Variants in RBFOX1 observed in about 807,000 individuals in gnomAD.
The protein encoded by RBFOX1 is RNA binding protein fox-1 homolog 1.
Under a neutral mutation model 57.7 loss-of-function variants are expected in RBFOX1, and 8 were observed. The ratio of observed to expected loss-of-function variants is 0.14; its 90% CI spans 0.08 to 0.25. The LOEUF (loss-of-function observed/expected upper bound fraction) is 0.25, where lower values mean the gene tolerates loss of function less well. RBFOX1 is among the 10% of genes least tolerant of loss of function. The pLI is 1.00. For missense variants in RBFOX1, 611 were observed against 548.5 expected (o/e 1.11, Z -1.14); for synonymous variants, 326 against 222.4 (o/e 1.47, Z -4.15).
At position 7,089,407 on chromosome 16, in the gene RBFOX1, T is replaced by TA. The variant is rs56754682; in HGVS notation, c.27+37317dup. On this transcript the variant is annotated intron_variant, in intron 4 of 15. Transcript: ENST00000550418. ...TTTACAAATGCTGATTTTTAAGCAT[T>TA]AAAAAAAAGTAGTCACGTGGGATTG... 5.3e-5 allele frequency among the ~76,000 whole-genome samples: 8 copies of TA among 151,760 alleles called. 1 individual carries two copies. Among genetic ancestry groups the TA allele is most frequent in the South Asian group, 2.1e-4 (1 of 4,814 alleles).
intron 1 of RBFOX1, among the ~76,000 whole-genome samples, chr16:5,442,717 G>C (rs1433431244): frequency 1.3e-5 from 2 of 152,124 alleles, no homozygotes; most frequent in Non-Finnish European, 2.9e-5. Flanking sequence ...CACACACCTA[G>C]CATTATGTTT....
chr16:7,234,286 T>G (rs1490215392), intron 4 of RBFOX1, among the ~76,000 whole-genome samples: 2 of 152,054 alleles, frequency 1.3e-5, no homozygotes, highest in Admixed American at 6.6e-5. Context: ...AAGAGCTCAT[T>G]TCTCAGTGGT....
chr16:5,258,467 T>G (rs2062645769), intron 1 of RBFOX1, among the ~76,000 whole-genome samples: 1 of 152,216 alleles, frequency 6.6e-6, no homozygotes, highest in Non-Finnish European at 1.5e-5. Context: ...TTCCTTAATA[T>G]CCTCTAAGAT....
intron 3 of RBFOX1, among the ~76,000 whole-genome samples, chr16:6,929,384 C>G (rs9635543): frequency 0.16 from 24,238 of 152,108 alleles, 2,011 homozygotes; most frequent in Non-Finnish European, 0.2. Context: ...TCACCATTGT[C>G]AAAATGACAT....
chr16:5,985,162 A>T (rs1004817472), intron 4 of RBFOX1, among the ~76,000 whole-genome samples: 4 of 150,426 alleles, frequency 2.7e-5, no homozygotes, highest in Non-Finnish European at 3.0e-5. Flanking sequence ...ATATATATAT[A>T]TTTTTATTTT....
chr16:7,452,389 T>TC (rs2057529249), intron 4 of RBFOX1, among the ~76,000 whole-genome samples: 1 of 152,168 alleles, frequency 6.6e-6, no homozygotes, highest in African/African-American at 2.4e-5. Context: ...GCCTGGTGCA[T>TC]CCCCCACCTG....
intron 3 of RBFOX1, among the ~76,000 whole-genome samples, chr16:5,685,967 C>G (rs2050492283): frequency 6.6e-6 from 1 of 152,102 alleles, no homozygotes; most frequent in Non-Finnish European, 1.5e-5. Flanking sequence ...ATGAATGAAG[C>G]AAAGGTGGTG....
intron 1 of RBFOX1, among the ~76,000 whole-genome samples, chr16:6,106,240 C>G (rs369246967): frequency 6.6e-6 from 1 of 151,964 alleles, no homozygotes; most frequent in African/African-American, 2.4e-5. Context: ...GCTGAATCAC[C>G]TGAGGTCAGG....
chr16:5,384,298 A>G (rs1404761188), intron 1 of RBFOX1, among the ~76,000 whole-genome samples: 1 of 151,994 alleles, frequency 6.6e-6, no homozygotes, highest in Non-Finnish European at 1.5e-5. Context: ...CAGCAGCAGT[A>G]GCAGCAGCAG....
intron 3 of RBFOX1, among the ~76,000 whole-genome samples, chr16:7,024,018 C>T (rs1263952846): frequency 6.7e-6 from 1 of 150,370 alleles, no homozygotes; most frequent in Non-Finnish European, 1.5e-5. Flanking sequence ...CTCCTGATAA[C>T]CGTATGTTGA....
chr16:7,077,127 G>A (rs1012211532), intron 4 of RBFOX1, among the ~76,000 whole-genome samples: 1 of 152,130 alleles, frequency 6.6e-6, no homozygotes, highest in Non-Finnish European at 1.5e-5. Flanking sequence ...ATCTCTTCAA[G>A]GCCTGTGGAG....
At chr16:7,383,411 G>A (rs56053508) in intron 4 of RBFOX1, among the ~76,000 whole-genome samples, 2,461 of 152,202 alleles carry the variant, frequency 0.016, 75 homozygotes, top group African/African-American at 0.056. Flanking sequence ...TGTTTTAAGT[G>A]TTTGAGGTCA....
At chr16:6,305,326 C>T (rs1366192078) in intron 1 of RBFOX1, among the ~76,000 whole-genome samples, 1 of 152,134 alleles carries the variant, frequency 6.6e-6, no homozygotes, top group Non-Finnish European at 1.5e-5. Flanking sequence ...TAATGATGCC[C>T]AGGGCATAGG....
At chr16:7,388,553 G>T (rs558827093) in intron 4 of RBFOX1, among the ~76,000 whole-genome samples, 1 of 149,856 alleles carries the variant, frequency 6.7e-6, no homozygotes, top group East Asian at 2.0e-4. Flanking sequence ...GTAAAAGAAA[G>T]ATAACAACCC....
chr16:6,899,660 T>TCCAG (rs2067960816), intron 3 of RBFOX1, among the ~76,000 whole-genome samples: 1 of 152,228 alleles, frequency 6.6e-6, no homozygotes, highest in Non-Finnish European at 1.5e-5. Context: ...CCATACCTCC[T>TCCAG]CAAGCAAGTG....
intron 4 of RBFOX1, among the ~76,000 whole-genome samples, chr16:7,166,969 G>GTTTTTT (rs1555527093): frequency 2.0e-5 from 1 of 49,858 alleles, no homozygotes; most frequent in African/African-American, 9.1e-5. Flanking sequence ...CTGCATTGGT[G>GTTTTTT]TTCTTTTTTT....
chr16:5,885,932 G>C (rs1228235478), intron 4 of RBFOX1, among the ~76,000 whole-genome samples: 1 of 152,164 alleles, frequency 6.6e-6, no homozygotes, highest in African/African-American at 2.4e-5. Context: ...GGAGGGTCCA[G>C]GTGGGAGGTG....
intron 3 of RBFOX1, among the ~76,000 whole-genome samples, chr16:5,629,139 A>G (rs1205944306): frequency 1.3e-5 from 2 of 152,214 alleles, no homozygotes; most frequent in South Asian, 2.1e-4. Context: ...TTCATTTTCC[A>G]CTTAGAACAT....
intron 3 of RBFOX1, chr16:7,003,985 G>GA (rs1309070408): frequency 7.4e-6 from 1 of 134,274 alleles, no homozygotes; most frequent in African/African-American, 3.7e-5. Context: ...GTAGAAATGA[G>GA]GGGTTTTTTT....
Sources: gnomAD v4.1 joint callset for allele counts (sites outside exome capture counted in the v4.1 genomes callset) on GRCh38, gnomAD v4.1.1 for gene constraint, MANE v1.5 for transcripts, NCBI Gene and HGNC (gene_info 2026-07-23, HGNC 2026-07-21) for gene names.